The following SOX5 variants were observed in gnomAD, a reference collection of about 807,000 sequenced individuals.
SOX5 encodes SRY-box transcription factor 5, also known as transcription factor SOX-5.
Under a neutral mutation model 92.0 loss-of-function variants are expected in SOX5, and 9 were observed. The ratio of observed to expected loss-of-function variants is 0.10; its 90% CI spans 0.06 to 0.17. The LOEUF (loss-of-function observed/expected upper bound fraction) is 0.17, where lower values mean the gene tolerates loss of function less well. SOX5 is among the 10% of genes least tolerant of loss of function. SOX5 has a pLI of 1.00. For synonymous variants in SOX5, 344 were observed against 336.3 expected (o/e 1.02, Z -0.25); for missense variants, 642 against 944.5 (o/e 0.68, Z 4.20).
chr12:24,085,167 CT>C (rs1172588482), intron 4 of SOX5, among the ~76,000 whole-genome samples: 1 of 152,150 alleles, frequency 6.6e-6, no homozygotes, highest in African/African-American at 2.4e-5. Context: ...TTTGCCTGAC[CT>C]TGCCCAGCAA....
At chr12:24,003,185 G>C (rs761653509) in intron 4 of SOX5, among the ~76,000 whole-genome samples, 1 of 152,012 alleles carries the variant, frequency 6.6e-6, no homozygotes, top group Non-Finnish European at 1.5e-5. Context: ...TCTGTAAAAT[G>C]AAACAGCTAA....
At chr12:24,455,806 G>A (rs1367866474) in intron 1 of SOX5, among the ~76,000 whole-genome samples, 1 of 152,112 alleles carries the variant, frequency 6.6e-6, no homozygotes, top group Non-Finnish European at 1.5e-5. Flanking sequence ...GCTGCCGGGA[G>A]GTCTGACTGC....
chr12:23,844,442 C>T (rs2096553016), intron 3 of SOX5, among the ~76,000 whole-genome samples: 1 of 152,072 alleles, frequency 6.6e-6, no homozygotes, highest in Admixed American at 6.6e-5. Flanking sequence ...GGTTAAGAAT[C>T]CTATTAACCT....
At chr12:24,197,575 C>A (rs564231132) in intron 4 of SOX5, among the ~76,000 whole-genome samples, 6 of 152,032 alleles carry the variant, frequency 3.9e-5, no homozygotes, top group African/African-American at 4.8e-5. Flanking sequence ...GAAGTGGGGG[C>A]GGGATACAGT....
chr12:23,976,415 A>C (rs970178534), intron 4 of SOX5, among the ~76,000 whole-genome samples: 11 of 150,382 alleles, frequency 7.3e-5, no homozygotes, highest in Non-Finnish European at 1.6e-4. Flanking sequence ...ACAAAAAAAA[A>C]AAAAAAAAAG....
At chr12:24,473,602 T>G (rs1309797634) in intron 1 of SOX5, among the ~76,000 whole-genome samples, 1 of 152,226 alleles carries the variant, frequency 6.6e-6, no homozygotes, top group Non-Finnish European at 1.5e-5. Flanking sequence ...TTTAGGTTTT[T>G]TTGCTCCAGA....
At chr12:24,354,682 T>C (rs1954574352) in intron 2 of SOX5, among the ~76,000 whole-genome samples, 2 of 152,106 alleles carry the variant, frequency 1.3e-5, no homozygotes, top group Non-Finnish European at 2.9e-5. Flanking sequence ...ACCCAGGATA[T>C]CAAAGATAAA....
At chr12:23,716,811 A>G (rs891180796) in intron 6 of SOX5, among the ~76,000 whole-genome samples, 8 of 152,218 alleles carry the variant, frequency 5.3e-5, no homozygotes, top group Non-Finnish European at 1.2e-4. Context: ...AAAGTTATAT[A>G]ATTAAAAAAT....
At chr12:23,541,195 A>G (rs1941966314) in intron 13 of SOX5, among the ~76,000 whole-genome samples, 1 of 152,140 alleles carries the variant, frequency 6.6e-6, no homozygotes, top group Non-Finnish European at 1.5e-5. Context: ...TCTTTTCCAT[A>G]GATACTTTTG....
intron 4 of SOX5, among the ~76,000 whole-genome samples, chr12:24,075,415 G>C (rs1365276867): frequency 6.6e-6 from 1 of 151,732 alleles, no homozygotes; most frequent in South Asian, 2.1e-4. Flanking sequence ...GAAATGAGAG[G>C]CTAAGTATAA....
At chr12:24,402,623 T>C (rs897381452) in intron 1 of SOX5, among the ~76,000 whole-genome samples, 2 of 152,176 alleles carry the variant, frequency 1.3e-5, no homozygotes, top group Non-Finnish European at 2.9e-5. Flanking sequence ...GAATGCAAAA[T>C]TGTGAATGCA....
In SOX5 at chr12:24,537,039, C is replaced by T. The variant is rs2955483; in HGVS notation, c.-251+25290G>A. On this transcript the variant is annotated intron_variant, in intron 1 of 4. Coordinates refer to the SOX5 transcript ENST00000446891. ...GTTTTGGTAAAAATATTATCACGTG[C>T]TCCTGGCTTATCTCATTAAAATAAA... 6.3e-3 allele frequency among the ~76,000 whole-genome samples: 952 copies of T among 152,310 alleles called. 6 individuals carry two copies. The highest frequency in any genetic ancestry group is 0.054 in the Middle Eastern group (16 of 294).
Position 23,846,587 on chromosome 12 carries a change from T to C in SOX5, c.271-394A>G, listed in dbSNP as rs1471924522. 2.0e-5 allele frequency among the ~76,000 whole-genome samples: 3 copies of C among 152,192 alleles called. No homozygotes were observed. The East Asian group carries it at 5.8e-4, about 29-fold the overall frequency. Reference sequence around the variant, plus strand: ...TGTTTGAGAGCCTCAGATTTTCTTATGGGTATTAAATGTAGTGATCATTTG... The same window carrying C: ...TGTTTGAGAGCCTCAGATTTTCTTACGGGTATTAAATGTAGTGATCATTTG... On this transcript the variant is annotated intron_variant, in intron 2 of 14. Transcript: ENST00000451604.
At chr12:23,608,887 G>C (rs1427877399) in intron 8 of SOX5, among the ~76,000 whole-genome samples, 2 of 152,178 alleles carry the variant, frequency 1.3e-5, no homozygotes, top group Admixed American at 1.3e-4. Flanking sequence ...GACTATTATT[G>C]ATATAGCAGA....
At chr12:24,000,478 C>A (rs1951492254) in intron 4 of SOX5, among the ~76,000 whole-genome samples, 2 of 152,010 alleles carry the variant, frequency 1.3e-5, no homozygotes, top group South Asian at 2.1e-4. Context: ...AGGTTAGTAT[C>A]CAACTGATCT....
At chr12:23,765,031 A>G (rs2094674094) in intron 3 of SOX5, among the ~76,000 whole-genome samples, 1 of 152,090 alleles carries the variant, frequency 6.6e-6, no homozygotes, top group Non-Finnish European at 1.5e-5. Context: ...CTGAAAAGCT[A>G]GTTATAATTC....
At chr12:23,834,452 C>G (rs1425864301) in intron 3 of SOX5, among the ~76,000 whole-genome samples, 2 of 151,848 alleles carry the variant, frequency 1.3e-5, no homozygotes, top group Admixed American at 1.3e-4. Flanking sequence ...CTCGTTTACT[C>G]ATTTTTAAGA....
At chr12:23,667,383 T>C (rs2083987134) in intron 6 of SOX5, among the ~76,000 whole-genome samples, 1 of 152,204 alleles carries the variant, frequency 6.6e-6, no homozygotes, top group Non-Finnish European at 1.5e-5. Flanking sequence ...CTGGAGCTTT[T>C]ATTAAATCTG....
chr12:23,530,840 TGA>T lies in SOX5; in HGVS notation c.*3377_*3378del, dbSNP rs149982948. The stretch of plus-strand genomic sequence containing the variant: ...GTGTGCGCGCGCGCGCGCGCGCATG[TGA>T]GAGAGAGAGAGAAAGGGAAAGAGAT... On this transcript the variant is annotated 3_prime_UTR_variant, in exon 15 of 15. Transcript: ENST00000451604. 4.0e-4 allele frequency: 47 copies of T among 116,708 alleles called. 1 individual carries two copies. The highest frequency in any genetic ancestry group is 8.8e-4 in the Admixed American group (11 of 12,518). The allele number at this position is 116,708 out of a possible 1,614,324, so 7.2% of individuals were successfully genotyped here. A position where few individuals can be genotyped will look rare whatever the true frequency, so the allele number is the denominator to read the frequency against.
Sources: gnomAD v4.1 joint callset for allele counts (sites outside exome capture counted in the v4.1 genomes callset) on GRCh38, gnomAD v4.1.1 for gene constraint, MANE v1.5 for transcripts, NCBI Gene and HGNC (gene_info 2026-07-23, HGNC 2026-07-21) for gene names.